Variants in LMAN2L observed in about 807,000 individuals in gnomAD.
The protein encoded by LMAN2L is lectin, mannose binding 2 like, also known as VIP36-like protein.
In LMAN2L, 30 loss-of-function variants were observed where a neutral mutation model predicts 44.3. The observed-to-expected ratio is 0.68, with a 90% CI of 0.51 to 0.92. LMAN2L has a LOEUF of 0.92. Ranked by LOEUF, LMAN2L falls within the 40% of genes least tolerant of loss-of-function variation. The pLI, the probability that LMAN2L is intolerant of heterozygous loss-of-function variation, is 0.00. For synonymous variants in LMAN2L, 183 were observed against 171.1 expected, an observed-to-expected ratio of 1.07 and a Z score of -0.54; for missense variants, 429 against 446.1, an observed-to-expected ratio of 0.96 and a Z score of 0.35.
chr2:96,732,634 ACT>A (rs2078427208), intron 4 of LMAN2L, among the ~76,000 whole-genome samples: 2 of 147,076 alleles, frequency 1.4e-5, no homozygotes, highest in African/African-American at 5.0e-5. Flanking sequence ...ACAGAGTGAG[ACT>A]CTGTCTCAAA....
At chr2:96,709,383 T>A (rs1387984849) in intron 6 of LMAN2L, among the ~76,000 whole-genome samples, 1 of 152,174 alleles carries the variant, frequency 6.6e-6, no homozygotes, top group African/African-American at 2.4e-5. Flanking sequence ...AAACCCTGCA[T>A]CAGCCATTTC....
At chr2:96,713,790 G>A (rs867187341) in intron 4 of LMAN2L, among the ~76,000 whole-genome samples, 1 of 152,202 alleles carries the variant, frequency 6.6e-6, no homozygotes, top group South Asian at 2.1e-4. Context: ...AGGCAAGGAA[G>A]AAGCTCCATG....
intron 4 of LMAN2L, among the ~76,000 whole-genome samples, chr2:96,723,555 T>C (rs1161509676): frequency 1.3e-5 from 2 of 152,244 alleles, no homozygotes; most frequent in South Asian, 2.1e-4. Context: ...TCCTTTTCTT[T>C]CGTTGCTTTT....
chr2:96,723,109 A>C (rs952696595), intron 4 of LMAN2L, among the ~76,000 whole-genome samples: 2 of 152,230 alleles, frequency 1.3e-5, no homozygotes, highest in African/African-American at 4.8e-5. Context: ...GTCTATGTTT[A>C]GTCATTTGAA....
Position 96,711,888 on chromosome 2 carries a change from A to T in LMAN2L, c.645T>A (p.Ile215=). 1 of 1,614,196 alleles carries T rather than the reference A, an allele frequency of 6.2e-7. No homozygotes were observed. Among genetic ancestry groups the T allele is most frequent in the Non-Finnish European group, 8.5e-7 (1 of 1,180,036 alleles). ...CCGTCAAATGCCTCTTGACGTAGCG[A>T]ATCACCAGGAAGGTGTCGTAATGAA... ...RNLHYDTFLV[I]RYVKRHLTIM... Residue 215 remains isoleucine (I), a synonymous_variant, in exon 5 of 8, where the codon ATT becomes ATA. Transcript: ENST00000264963.
At chr2:96,713,424 C>G (rs1275854391) in intron 4 of LMAN2L, among the ~76,000 whole-genome samples, 1 of 152,186 alleles carries the variant, frequency 6.6e-6, no homozygotes, top group Non-Finnish European at 1.5e-5. Context: ...GAAGACCGCT[C>G]TAACCCATAG....
intron 2 of LMAN2L, chr2:96,737,325 G>C (rs1359047672): frequency 2.5e-5 from 9 of 358,822 alleles, no homozygotes; most frequent in African/African-American, 2.0e-4. Flanking sequence ...TAACAAGATG[G>C]GGATGCTGGG....
rs943136381 is a variant in LMAN2L at position 96,707,028 on chromosome 2, T to A, written c.*228A>T. On this transcript the variant is annotated 3_prime_UTR_variant, in exon 8 of 8. Transcript: ENST00000264963. Reference sequence around the variant, plus strand: ...TGGAAGGACTGCAGGGAAAGGCACATCACAGCAGCATTGCCCTGGGGTGGG... The same window carrying A: ...TGGAAGGACTGCAGGGAAAGGCACAACACAGCAGCATTGCCCTGGGGTGGG... 22 of 400,160 alleles carry A rather than the reference T, an allele frequency of 5.5e-5. No homozygotes were observed. The highest frequency in any genetic ancestry group is 4.1e-4 in the African/African-American group (20 of 49,128). 24.8% of individuals were successfully genotyped at this position (400,160 alleles called of 1,614,324 possible). A position where few individuals can be genotyped will look rare whatever the true frequency, so the allele number is the denominator to read the frequency against.
intron 4 of LMAN2L, among the ~76,000 whole-genome samples, chr2:96,728,358 C>T (rs550861871): frequency 6.6e-6 from 1 of 152,002 alleles, no homozygotes; most frequent in African/African-American, 2.4e-5. Flanking sequence ...ATTAGCCGGG[C>T]GTGGTTGCAG....
intron 4 of LMAN2L, among the ~76,000 whole-genome samples, chr2:96,715,850 A>G (rs753642978): frequency 2.0e-5 from 3 of 152,348 alleles, no homozygotes; most frequent in South Asian, 4.1e-4. Context: ...TGTCACTTAT[A>G]GCTGTGTAAC....
intron 2 of LMAN2L, among the ~76,000 whole-genome samples, chr2:96,736,458 C>G (rs2078517397): frequency 6.6e-6 from 1 of 152,142 alleles, no homozygotes; most frequent in South Asian, 2.1e-4. Context: ...AAGGGAAGAA[C>G]TAGAGGCTAT....
Position 96,711,685 on chromosome 2 carries a change from C to T in LMAN2L, c.755G>A (p.Gly252Asp). Residue 252 changes from glycine to aspartate, a missense_variant, in exon 6 of 8, where the codon GGC becomes GAC. Gly to Asp is a moderately conservative substitution (Grantham distance 94). Transcript: ENST00000264963. Reference sequence around the variant, plus strand: ...GAGATCCCCAGTGATGGAGGAGGTGCCGAAGTAGTAGCCGCGGGGCAGGCG... The same window carrying T: ...GAGATCCCCAGTGATGGAGGAGGTGTCGAAGTAGTAGCCGCGGGGCAGGCG... ...GVRLPRGYYF[G>D]TSSITGDLSD... 1 of 1,613,868 alleles carries T rather than the reference C, an allele frequency of 6.2e-7. No individual in the cohort carries two copies. The highest frequency in any genetic ancestry group is 8.5e-7 in the Non-Finnish European group (1 of 1,179,922).
At chr2:96,717,449 T>C (rs190419955) in intron 4 of LMAN2L, among the ~76,000 whole-genome samples, 11 of 151,248 alleles carry the variant, frequency 7.3e-5, no homozygotes, top group East Asian at 1.9e-4. Flanking sequence ...GGAGGCTCTA[T>C]TGAGCCTGAG....
chr2:96,710,932 G>A (rs980610874), intron 6 of LMAN2L, among the ~76,000 whole-genome samples: 2 of 152,178 alleles, frequency 1.3e-5, no homozygotes, highest in Non-Finnish European at 2.9e-5. Flanking sequence ...AGCAAAGAGA[G>A]TAAGTGTATA....
intron 2 of LMAN2L, 72 bp from the exon 3 acceptor site, chr2:96,734,598 C>G: frequency 3.2e-6 from 3 of 946,666 alleles, no homozygotes; most frequent in South Asian, 2.6e-5. Flanking sequence ...CATCAGCAAT[C>G]AACAGACTTG....
intron 4 of LMAN2L, among the ~76,000 whole-genome samples, chr2:96,722,294 C>T (rs1425064115): frequency 6.6e-6 from 1 of 151,914 alleles, no homozygotes; most frequent in Non-Finnish European, 1.5e-5. Flanking sequence ...ATTATTATCA[C>T]GTTATAATAT....
intron 4 of LMAN2L, among the ~76,000 whole-genome samples, chr2:96,722,124 C>T (rs1267064906): frequency 3.3e-5 from 5 of 152,016 alleles, no homozygotes; most frequent in African/African-American, 4.8e-5. Context: ...GCCGCCACCA[C>T]GCCCGGCTAA....
chr2:96,716,678 T>G (rs988735625), intron 4 of LMAN2L, among the ~76,000 whole-genome samples: 1 of 152,194 alleles, frequency 6.6e-6, no homozygotes, highest in Non-Finnish European at 1.5e-5. Context: ...TCCTATGAGG[T>G]AGTATCAGTA....
At chr2:96,737,417 A>G (rs1485240575) in intron 2 of LMAN2L, among the ~76,000 whole-genome samples, 1 of 152,246 alleles carries the variant, frequency 6.6e-6, no homozygotes, top group Non-Finnish European at 1.5e-5. Context: ...TGGGAGGCCA[A>G]GGCAGGAGGA....
Sources: allele counts gnomAD v4.1 joint callset (sites outside exome capture counted in the v4.1 genomes callset), GRCh38; gene constraint gnomAD v4.1.1; transcripts MANE v1.5; gene names NCBI Gene and HGNC (gene_info 2026-07-23, HGNC 2026-07-21).